ABCB7: variants seen among roughly 807,000 people sequenced by gnomAD.
ABCB7 encodes ATP binding cassette subfamily B member 7, also known as iron-sulfur clusters transporter ABCB7, mitochondrial.
ABCB7 carries 7 observed loss-of-function variants against 54.4 expected under a neutral mutation model. The ratio of observed to expected loss-of-function variants is 0.13; its 90% CI spans 0.07 to 0.24. The LOEUF is 0.24. ABCB7 is among the 10% of genes least tolerant of loss of function. ABCB7 has a pLI of 1.00. For missense variants in ABCB7, 356 were observed against 570.4 expected, an observed-to-expected ratio of 0.62 and a Z score of 3.83; for synonymous variants, 218 against 207.1, an observed-to-expected ratio of 1.05 and a Z score of -0.45.
At chrX:75,119,716 T>C (rs755497796) in intron 1 of ABCB7, among the ~76,000 whole-genome samples, 8 of 111,774 alleles carry the variant, frequency 7.2e-5, no homozygotes, top group Non-Finnish European at 1.3e-4. Context: ...ATGTTACTGA[T>C]CTCTGTTCCA....
At chrX:75,111,917 G>T (rs1257343413) in intron 3 of ABCB7, among the ~76,000 whole-genome samples, 1 of 111,788 alleles carries the variant, frequency 8.9e-6, no homozygotes, top group Non-Finnish European at 1.9e-5. Flanking sequence ...TCATACCAAA[G>T]ACTAATGCAA....
chrX:75,129,274 G>T (rs2081957546), intron 1 of ABCB7, among the ~76,000 whole-genome samples: 2 of 111,312 alleles, frequency 1.8e-5, no homozygotes, highest in African/African-American at 3.3e-5. Flanking sequence ...CCACAAAAAA[G>T]GATGAGTTAA....
At chrX:75,121,015 A>G (rs2081873232) in intron 1 of ABCB7, among the ~76,000 whole-genome samples, 1 of 111,080 alleles carries the variant, frequency 9.0e-6, no homozygotes, top group African/African-American at 3.3e-5. Context: ...TAGGCTGGGC[A>G]TGGTGGCTCA....
At chrX:75,131,124 G>C (rs1008492285) in intron 1 of ABCB7, among the ~76,000 whole-genome samples, 2 of 108,838 alleles carry the variant, frequency 1.8e-5, no homozygotes, top group African/African-American at 6.7e-5. Flanking sequence ...TAGACAAATG[G>C]GGACATAGAA....
chrX:75,055,965 GCATGAGCCAC>G (rs1196625126), intron 15 of ABCB7, among the ~76,000 whole-genome samples: 1 of 110,586 alleles, frequency 9.0e-6, no homozygotes, highest in African/African-American at 3.3e-5. Flanking sequence ...GTTATTACCA[GCATGAGCCAC>G]CATGCCCAGC....
At chrX:75,096,238 T>C (rs964457486) in intron 4 of ABCB7, among the ~76,000 whole-genome samples, 2 of 112,269 alleles carry the variant, frequency 1.8e-5, no homozygotes, top group Non-Finnish European at 3.8e-5. Flanking sequence ...ACATTTGTAA[T>C]ATTGTTCTCT....
chrX:75,072,299 C>T (rs748017846), intron 8 of ABCB7, among the ~76,000 whole-genome samples: 2 of 111,410 alleles, frequency 1.8e-5, no homozygotes, highest in African/African-American at 3.3e-5. Flanking sequence ...AAGATGCTAA[C>T]GGTACACAGT....
chrX:75,129,714 G>A (rs890859529), intron 1 of ABCB7, among the ~76,000 whole-genome samples: 2 of 109,141 alleles, frequency 1.8e-5, no homozygotes, highest in African/African-American at 6.7e-5. Flanking sequence ...CAGTATAGAG[G>A]GTTCGCTGAA....
rs2081663659 is a variant in ABCB7, at chrX:75,104,047, G to GTTTTTTTGTTTTTTTTTTTTTTT, written c.334-4987_334-4986insAAAAAAAAAAAAAAACAAAAAAA. Among the ~76,000 whole-genome samples, 34 of 13,444 alleles carry GTTTTTTTGTTTTTTTTTTTTTTT rather than the reference G, an allele frequency of 2.5e-3. 1 individual carries two copies. Among genetic ancestry groups the GTTTTTTTGTTTTTTTTTTTTTTT allele is most frequent in the Non-Finnish European group, 3.0e-3 (17 of 5,713 alleles). The allele number at this position is 13,444 out of a possible 115,157, so 11.7% of individuals were successfully genotyped here. On this transcript the variant is annotated intron_variant, in intron 3 of 15. Transcript: ENST00000373394. Reference sequence around the variant, plus strand: ...AAATGGGCATCCCTGTCTTGTTACAGTTTTTTTTTTTTTTTTTTTTTTTTT... The same window carrying GTTTTTTTGTTTTTTTTTTTTTTT: ...AAATGGGCATCCCTGTCTTGTTACAGTTTTTTTGTTTTTTTTTTTTTTTTTTTTTTTTTTTTTTTTTTTTTTTT...
At position 75,065,133 on chromosome X, in the gene ABCB7, C is replaced by A. The variant is rs761812690; in HGVS notation, c.1768G>T (p.Ala590Ser). The change falls in exon 13 of 16, where the codon GCA becomes TCA. Residue 590 changes from alanine to serine, a missense_variant. Coordinates refer to ENST00000373394, the MANE Select transcript of ABCB7 (RefSeq NM_001271696.3). ...AVAKLAGLHD[A>S]ILRMPHGYDT... ...TATCCATGTGGCATTCGAAGAATTG[C>A]ATCATGAAGTCCAGCTAATTTTGCC... The A allele has an allele frequency of 1.7e-6, 2 of 1,211,107 alleles. No homozygotes were observed. Among genetic ancestry groups the A allele is most frequent in the Non-Finnish European group, 1.1e-6 (1 of 895,160 alleles).
Position 75,155,692 on chromosome X carries a change from GAATTGCT to G in ABCB7, c.168+406_168+412del, listed in dbSNP as rs770076557. 4.4e-3 allele frequency among the ~76,000 whole-genome samples: 495 copies of G among 111,674 alleles called. 1 individual carries two copies. Among genetic ancestry groups the G allele is most frequent in the African/African-American group, 0.016 (476 of 30,670 alleles). On this transcript the variant is annotated intron_variant, in intron 1 of 15. Transcript: ENST00000373394. ...GCTTGCTGTCATTACAGTGCTCTCC[GAATTGCT>G]AATTCCAACTGAGTAAAATCTGAAC...
chrX:75,065,188 G>T lies in ABCB7; in HGVS notation c.1713C>A (p.Ile571=), dbSNP rs1456861126. The T allele has an allele frequency of 8.3e-7, 1 of 1,209,594 alleles. No homozygotes were observed. Among genetic ancestry groups the T allele is most frequent in the Admixed American group, 2.2e-5 (1 of 45,923 alleles). ...TIYYNLLYGN[I]SASPEEVYAV... ...CATACACTTCCTCAGGTGAAGCACT[G>T]ATGTTTCCATATAAGAGGTTGTAAT... is the stretch of plus-strand genomic sequence containing the variant. The change falls in exon 13 of 16, where the codon ATC becomes ATA. Residue 571 remains isoleucine (I), a synonymous_variant. Coordinates refer to ENST00000373394, the MANE Select transcript of ABCB7 (RefSeq NM_001271696.3).
chrX:75,076,680 C>A, intron 4 of ABCB7, 26 bp from the exon 5 acceptor site: 1 of 1,183,382 alleles, frequency 8.5e-7, no homozygotes, highest in Non-Finnish European at 1.1e-6. Context: ...CATCAATTAC[C>A]CATTATACAC....
At position 75,061,961 on chromosome X, in the gene ABCB7, G is replaced by C. The variant is rs889186772; in HGVS notation, c.1935+367C>G. Among the ~76,000 whole-genome samples, 4 of 112,366 alleles carry C rather than the reference G, an allele frequency of 3.6e-5. No homozygotes were observed. In the East Asian group the frequency reaches 1.1e-3, roughly 32 times the overall value. On this transcript the variant is annotated intron_variant, in intron 14 of 15. Coordinates refer to ENST00000373394, the MANE Select transcript of ABCB7 (RefSeq NM_001271696.3). Reference sequence around the variant, plus strand: ...TCACAGGTTTCACAATCACTTCCATGACTATTTTAATGAGTGTTAAGTGGC... The same window carrying C: ...TCACAGGTTTCACAATCACTTCCATCACTATTTTAATGAGTGTTAAGTGGC...
intron 4 of ABCB7, among the ~76,000 whole-genome samples, chrX:75,086,023 T>A (rs1482394809): frequency 9.1e-6 from 1 of 109,573 alleles, no homozygotes; most frequent in Non-Finnish European, 1.9e-5. Context: ...ATTTTTGTAT[T>A]TTTAGTAGAG....
chrX:75,100,351 A>G (rs1040995361), intron 3 of ABCB7, among the ~76,000 whole-genome samples: 2 of 110,780 alleles, frequency 1.8e-5, no homozygotes, highest in Non-Finnish European at 3.8e-5. Flanking sequence ...AATCTGTAAC[A>G]TGGCTTATAA....
chrX:75,098,335 T>A, intron 4 of ABCB7, among the ~76,000 whole-genome samples: 1 of 108,918 alleles, frequency 9.2e-6, no homozygotes. Context: ...AAAAAAAATC[T>A]GAGTAAATTT....
chrX:75,136,612 C>T (rs1414350619), intron 1 of ABCB7, among the ~76,000 whole-genome samples: 1 of 111,461 alleles, frequency 9.0e-6, no homozygotes, highest in Non-Finnish European at 1.9e-5. Flanking sequence ...GGCATGGAGG[C>T]ATCACAATAC....
chrX:75,093,022 A>G lies in ABCB7; in HGVS notation c.453+5920T>C. Among the ~76,000 whole-genome samples the G allele has an allele frequency of 1.8e-5, 2 of 112,070 alleles. 1 individual carries two copies. Among genetic ancestry groups the G allele is most frequent in the Middle Eastern group, 8.4e-3 (2 of 238 alleles). ...TATTTGGCAGTTTCATACAAAACAAAACATAGTCTTACAAGACAATCCAGC... is the reference window on the plus strand; with the variant it reads ...TATTTGGCAGTTTCATACAAAACAAGACATAGTCTTACAAGACAATCCAGC... On this transcript the variant is annotated intron_variant, in intron 4 of 15. Coordinates refer to ENST00000373394, the MANE Select transcript of ABCB7 (RefSeq NM_001271696.3).
Sources: gnomAD v4.1 joint callset for allele counts (sites outside exome capture counted in the v4.1 genomes callset) on GRCh38, gnomAD v4.1.1 for gene constraint, MANE v1.5 for transcripts, NCBI Gene and HGNC (gene_info 2026-07-23, HGNC 2026-07-21) for gene names.